SEZ6L: variants seen among roughly 807,000 people sequenced by gnomAD.
SEZ6L encodes seizure 6-like protein.
Under a neutral mutation model 106.2 loss-of-function variants are expected in SEZ6L, and 37 were observed. The observed-to-expected ratio is 0.35, with a 90% CI of 0.27 to 0.46. SEZ6L has a LOEUF of 0.46. Among genes scored for constraint, SEZ6L ranks in the 20% least tolerant of loss-of-function variants. SEZ6L has a pLI of 1.00. For missense variants in SEZ6L, 1,172 were observed against 1,332.8 expected, an observed-to-expected ratio of 0.88 and a Z score of 1.88; for synonymous variants, 541 against 570.4, an observed-to-expected ratio of 0.95 and a Z score of 0.73.
intron 1 of SEZ6L, among the ~76,000 whole-genome samples, chr22:26,221,730 GCACACGCGTGCACACA>G (rs1569394109): frequency 2.2e-5 from 3 of 138,698 alleles, no homozygotes; most frequent in African/African-American, 8.3e-5. Context: ...TCATGCGCGT[GCACACGCGTGCACACA>G]CACACACACA....
chr22:26,261,286 T>A (rs1293536530), intron 1 of SEZ6L, among the ~76,000 whole-genome samples: 1 of 152,242 alleles, frequency 6.6e-6, no homozygotes, highest in Admixed American at 6.5e-5. Flanking sequence ...GCTTTTGGGT[T>A]CTTGGTCATG....
chr22:26,383,017 G>A lies in SEZ6L; in HGVS notation c.*2722G>A, dbSNP rs1568968505. 3 of 149,554 alleles carry A rather than the reference G, an allele frequency of 2.0e-5. No individual in the cohort carries two copies. Among genetic ancestry groups the A allele is most frequent in the Admixed American group, 6.7e-5 (1 of 14,994 alleles). The allele number at this position is 149,554 out of a possible 1,614,324, so 9.3% of individuals were successfully genotyped here. ...CTGTATCTGTCAGCTACCACCCTGTGCTTTAAAAATGCACACACTCAACCC... is the reference window on the plus strand; with the variant it reads ...CTGTATCTGTCAGCTACCACCCTGTACTTTAAAAATGCACACACTCAACCC... On this transcript the variant is annotated 3_prime_UTR_variant, in exon 17 of 17. Transcript: ENST00000248933.
intron 9 of SEZ6L, among the ~76,000 whole-genome samples, chr22:26,321,877 C>T (rs1330178044): frequency 1.3e-5 from 2 of 152,078 alleles, no homozygotes; most frequent in Non-Finnish European, 1.5e-5. Context: ...AGCCACATTT[C>T]CCAGGCGAGA....
rs2081229060 is a variant in SEZ6L, at chr22:26,294,338, C to G, written c.882C>G (p.Ser294=). The G allele has an allele frequency of 6.2e-7, 1 of 1,613,942 alleles. No individual in the cohort carries two copies. Among genetic ancestry groups the G allele is most frequent in the Non-Finnish European group, 8.5e-7 (1 of 1,179,988 alleles). Residue 294 remains serine, a synonymous_variant, in exon 3 of 17, where the codon TCC becomes TCG. Transcript: ENST00000248933. ...CCAATCCTGAGGGGTACATTGACTC[C>G]AGCGACTACCCACTGCTGCCCCTCA... The part of the protein sequence containing the change: ...SFSNPEGYID[S]SDYPLLPLNN...
intron 1 of SEZ6L, among the ~76,000 whole-genome samples, chr22:26,217,506 T>G (rs897700665): frequency 6.6e-6 from 1 of 152,260 alleles, no homozygotes; most frequent in Non-Finnish European, 1.5e-5. Context: ...CAGACCTCAG[T>G]GTAAGTGTCA....
chr22:26,218,767 T>C (rs2078370177), intron 1 of SEZ6L, among the ~76,000 whole-genome samples: 1 of 152,126 alleles, frequency 6.6e-6, no homozygotes, highest in South Asian at 2.1e-4. Flanking sequence ...TGAAACTCTG[T>C]CTCTACTAAA....
intron 1 of SEZ6L, among the ~76,000 whole-genome samples, chr22:26,231,287 G>C (rs981372493): frequency 6.6e-6 from 1 of 152,224 alleles, no homozygotes; most frequent in African/African-American, 2.4e-5. Context: ...GCCATGGAAA[G>C]GGACAGTAAC....
At chr22:26,252,220 G>A (rs527921768) in intron 1 of SEZ6L, among the ~76,000 whole-genome samples, 1 of 152,234 alleles carries the variant, frequency 6.6e-6, no homozygotes, top group Admixed American at 6.5e-5. Context: ...AAAAAGGAAA[G>A]GGTTGGGCTA....
intron 1 of SEZ6L, among the ~76,000 whole-genome samples, chr22:26,252,032 C>T (rs368312110): frequency 5.9e-5 from 9 of 152,108 alleles, no homozygotes; most frequent in African/African-American, 1.2e-4. Context: ...GGAGCAGCGG[C>T]GGCAGCAGCA....
At chr22:26,347,300 T>A (rs917666155) in intron 10 of SEZ6L, among the ~76,000 whole-genome samples, 8 of 152,038 alleles carry the variant, frequency 5.3e-5, no homozygotes, top group Non-Finnish European at 1.2e-4. Context: ...TAAAAGAGTG[T>A]AAACCCTCGG....
chr22:26,336,010 T>C (rs1004793287), intron 9 of SEZ6L, among the ~76,000 whole-genome samples: 1 of 152,156 alleles, frequency 6.6e-6, no homozygotes, highest in African/African-American at 2.4e-5. Flanking sequence ...GTGCCTTCTT[T>C]TCCTTCTCTT....
At chr22:26,176,613 A>G (rs561781590) in intron 1 of SEZ6L, among the ~76,000 whole-genome samples, 4 of 152,218 alleles carry the variant, frequency 2.6e-5, no homozygotes, top group Non-Finnish European at 5.9e-5. Flanking sequence ...TTTTAACAGT[A>G]TGATCTTGAG....
chr22:26,311,699 T>A, intron 7 of SEZ6L, 69 bp from the exon 8 acceptor site: 1 of 1,366,384 alleles, frequency 7.3e-7, no homozygotes, highest in South Asian at 1.2e-5. Flanking sequence ...GGGACCCATC[T>A]TCTGAAATAT....
intron 1 of SEZ6L, among the ~76,000 whole-genome samples, chr22:26,286,104 T>G (rs2080925703): frequency 6.6e-6 from 1 of 152,230 alleles, no homozygotes; most frequent in East Asian, 1.9e-4. Flanking sequence ...GAATAGTGAC[T>G]AACAGTTTTG....
intron 1 of SEZ6L, among the ~76,000 whole-genome samples, chr22:26,283,716 T>A (rs79635645): frequency 0.012 from 1,867 of 152,160 alleles, 20 homozygotes; most frequent in Middle Eastern, 0.044. Flanking sequence ...ATAATAGCAG[T>A]AAAATAAGAA....
intron 9 of SEZ6L, among the ~76,000 whole-genome samples, chr22:26,333,559 G>T (rs139928196): frequency 2.6e-3 from 389 of 152,328 alleles, no homozygotes; most frequent in African/African-American, 9.0e-3. Flanking sequence ...TCTACTCTGT[G>T]CAAGATCTGA....
chr22:26,317,799 A>G (rs2082046839), intron 9 of SEZ6L, among the ~76,000 whole-genome samples: 1 of 152,044 alleles, frequency 6.6e-6, no homozygotes, highest in African/African-American at 2.4e-5. Flanking sequence ...GAGGGCCCTC[A>G]GTTTCCTTCC....
chr22:26,280,275 T>C lies in SEZ6L; in HGVS notation c.95-12131T>C, dbSNP rs573110651. Among the ~76,000 whole-genome samples the C allele has an allele frequency of 2.5e-3, 384 of 152,212 alleles. 9 individuals are homozygous for C. The East Asian group carries it at 0.042, about 17-fold the overall frequency. On this transcript the variant is annotated intron_variant, in intron 1 of 16. Transcript: ENST00000248933. ...ATACATACGTACATTTATACACATA[T>C]ATATATACATATATATGCATGTAAA... is the stretch of plus-strand genomic sequence containing the variant.
rs776302111 is a variant in SEZ6L, at chr22:26,375,596, C to T, written c.2849C>T (p.Thr950Met). ...TCAGTAGCAGAAGCGGCAGCAGAGA[C>T]GTCGCTGGAAGGGGGGAACATGGCC... is the stretch of plus-strand genomic sequence containing the variant. The part of the protein sequence containing the change: ...ALEVAEAAAE[T>M]SLEGGNMALA... The change falls in exon 15 of 17, where the codon ACG becomes ATG. Residue 950 changes from threonine (T) to methionine (M), a missense_variant. Transcript: ENST00000248933. 1.2e-6 allele frequency: 2 copies of T among 1,614,072 alleles called. No individual in the cohort carries two copies. The highest frequency in any genetic ancestry group is 1.3e-5 in the African/African-American group (1 of 75,008).
Sources: allele counts gnomAD v4.1 joint callset (sites outside exome capture counted in the v4.1 genomes callset), GRCh38; gene constraint gnomAD v4.1.1; transcripts MANE v1.5; gene names NCBI Gene and HGNC (gene_info 2026-07-23, HGNC 2026-07-21).